Variants in USP54 observed in about 807,000 individuals in gnomAD.
USP54 encodes the protein ubiquitin specific peptidase 54.
In USP54, 87 loss-of-function variants were observed where a neutral mutation model predicts 170.5. The observed-to-expected ratio is 0.51, with a 90% CI of 0.43 to 0.61. The LOEUF (loss-of-function observed/expected upper bound fraction) is 0.61. USP54 is among the 20% of genes least tolerant of loss of function. The pLI is 0.00. For missense variants in USP54, 1,786 were observed against 2,047.8 expected, an observed-to-expected ratio of 0.87 and a Z score of 2.47; for synonymous variants, 655 against 742.8, an observed-to-expected ratio of 0.88 and a Z score of 1.92.
Position 73,575,665 on chromosome 10 carries a change from T to G in USP54, c.-7A>C. The stretch of plus-strand genomic sequence containing the variant: ...AATTTCTCTTCCAAGACATTATTGT[T>G]CACATTTAGCCTGAAAAAAAAATGG... On this transcript the variant is annotated 5_prime_UTR_variant, in exon 3 of 24. The change abolishes the stop of an existing upstream ORF in the 5' untranslated region. Transcript: ENST00000687698. The G allele has an allele frequency of 6.3e-7, 1 of 1,593,690 alleles. No individual in the cohort carries two copies. The highest frequency in any genetic ancestry group is 1.2e-5 in the South Asian group (1 of 86,350).
At chr10:73,606,949 A>C (rs567841451) in intron 1 of USP54, among the ~76,000 whole-genome samples, 1 of 152,172 alleles carries the variant, frequency 6.6e-6, no homozygotes, top group East Asian at 1.9e-4. Flanking sequence ...CTAACTGAAC[A>C]GTTTCATACA....
chr10:73,570,478 CTT>C (rs1412532736), intron 4 of USP54, among the ~76,000 whole-genome samples: 1 of 148,966 alleles, frequency 6.7e-6, no homozygotes, highest in African/African-American at 2.5e-5. Flanking sequence ...ATAAAAGAAT[CTT>C]TTAAGTGTGG....
chr10:73,622,435 T>C (rs1264170480), intron 1 of USP54, among the ~76,000 whole-genome samples: 2 of 152,034 alleles, frequency 1.3e-5, no homozygotes, highest in Non-Finnish European at 2.9e-5. Context: ...GCGATTCTCC[T>C]GCCTCAGCCT....
intron 12 of USP54, among the ~76,000 whole-genome samples, chr10:73,532,173 A>G (rs916624008): frequency 6.6e-6 from 1 of 151,798 alleles, no homozygotes; most frequent in African/African-American, 2.4e-5. Context: ...TGGAACAACT[A>G]AGTCTTTTTT....
At chr10:73,615,695 C>A (rs1397364148) in intron 1 of USP54, among the ~76,000 whole-genome samples, 3 of 148,480 alleles carry the variant, frequency 2.0e-5, no homozygotes, top group Non-Finnish European at 4.4e-5. Context: ...CTGAGGCAGG[C>A]AGATCGCTTG....
At chr10:73,543,228 G>A in intron 5 of USP54, 97 bp from the exon 6 acceptor site, 1 of 802,742 alleles carries the variant, frequency 1.2e-6, no homozygotes, top group Non-Finnish European at 2.1e-6. Context: ...CAACCCTTCT[G>A]GAAGGTAGGA....
At chr10:73,523,511 C>CAGA in intron 17 of USP54, 72 bp downstream of exon 17, 1 of 1,449,202 alleles carries the variant, frequency 6.9e-7, no homozygotes, top group Non-Finnish European at 9.2e-7. Flanking sequence ...AGGGAACTTA[C>CAGA]AAGCTTAGAT....
chr10:73,518,510 G>A (rs998636053), intron 19 of USP54, among the ~76,000 whole-genome samples: 3 of 152,000 alleles, frequency 2.0e-5, no homozygotes, highest in African/African-American at 7.2e-5. Context: ...ACGTTTTCTG[G>A]AAACGGTTTA....
At chr10:73,527,536 C>A (rs1363113649) in intron 15 of USP54, among the ~76,000 whole-genome samples, 7 of 150,776 alleles carry the variant, frequency 4.6e-5, no homozygotes, top group Admixed American at 1.3e-4. Flanking sequence ...GAAAAATTGC[C>A]TCTGTGGCAA....
chr10:73,571,579 G>T (rs2075210834), intron 3 of USP54, 66 bp from the exon 4 acceptor site: 2 of 1,331,344 alleles, frequency 1.5e-6, no homozygotes, highest in African/African-American at 1.5e-5. Flanking sequence ...AAAGTAAAGA[G>T]TTCAAACAAA....
intron 4 of USP54, among the ~76,000 whole-genome samples, chr10:73,551,601 G>A (rs2069378596): frequency 3.3e-5 from 5 of 152,196 alleles, no homozygotes; most frequent in South Asian, 2.1e-4. Context: ...GTGGCCTGAC[G>A]ACATGATGAT....
At chr10:73,502,269 G>A (rs1170044502) in intron 22 of USP54, among the ~76,000 whole-genome samples, 3 of 152,100 alleles carry the variant, frequency 2.0e-5, no homozygotes, top group Admixed American at 6.5e-5. Flanking sequence ...CTAAGGACCA[G>A]GTGCCAGTCC....
chr10:73,592,692 T>C (rs1056609852), upstream of USP54, among the ~76,000 whole-genome samples: 1 of 152,190 alleles, frequency 6.6e-6, no homozygotes, highest in Non-Finnish European at 1.5e-5. Context: ...TATATATTCA[T>C]TGTGAAACTA....
At chr10:73,589,935 CT>C (rs2078037110) in intron 1 of USP54, among the ~76,000 whole-genome samples, 1 of 152,220 alleles carries the variant, frequency 6.6e-6, no homozygotes, top group Non-Finnish European at 1.5e-5. Flanking sequence ...AGACTTCACA[CT>C]TTGAGCCAGT....
intron 16 of USP54, 33 bp downstream of exon 16, chr10:73,526,614 T>C (rs2062913846): frequency 6.2e-7 from 1 of 1,611,656 alleles, no homozygotes; most frequent in Non-Finnish European, 8.5e-7. Flanking sequence ...GCCGGTCAAA[T>C]CCAGTCCTCA....
chr10:73,520,719 T>C (rs917075821), intron 18 of USP54, among the ~76,000 whole-genome samples, 189 bp downstream of exon 18: 1 of 152,228 alleles, frequency 6.6e-6, no homozygotes, highest in Non-Finnish European at 1.5e-5. Context: ...TAAATATCCA[T>C]AGGCCACAGT....
chr10:73,517,060 A>G lies in USP54; in HGVS notation c.3366T>C (p.Phe1122=). Residue 1122 remains phenylalanine (F), a synonymous_variant, in exon 20 of 24, where the codon TTT becomes TTC. Transcript: ENST00000687698. ...RGSEETYRPE[F]PSTKGLVRSL... Reference sequence around the variant, plus strand: ...AACGGACAAGCCCCTTTGTGCTGGGAAACTCTGGCCTATAGGTCTCCTCAC... The same window carrying G: ...AACGGACAAGCCCCTTTGTGCTGGGGAACTCTGGCCTATAGGTCTCCTCAC... The G allele has an allele frequency of 6.2e-7, 1 of 1,614,214 alleles. No individual in the cohort carries two copies. Among genetic ancestry groups the G allele is most frequent in the Non-Finnish European group, 8.5e-7 (1 of 1,180,040 alleles).
In USP54 at chr10:73,546,178, C is replaced by T. The variant is rs374696100; in HGVS notation, c.241-506G>A. Among the ~76,000 whole-genome samples the T allele has an allele frequency of 8.5e-5, 13 of 152,142 alleles. No homozygotes were observed. The East Asian group carries it at 9.6e-4, about 11-fold the overall frequency. ...AGAAATAAACATTCTATCATGTTTACTTTCATCTACAGATAATGCTAAAGT... is the reference window on the plus strand; with the variant it reads ...AGAAATAAACATTCTATCATGTTTATTTTCATCTACAGATAATGCTAAAGT... On this transcript the variant is annotated intron_variant, in intron 4 of 23. Transcript: ENST00000687698.
chr10:73,604,200 G>C (rs1454165070), intron 1 of USP54, among the ~76,000 whole-genome samples: 1 of 151,924 alleles, frequency 6.6e-6, no homozygotes, highest in Non-Finnish European at 1.5e-5. Flanking sequence ...AGTGAGCCGA[G>C]ATCGCACCAC....
Sources: allele counts gnomAD v4.1 joint callset (sites outside exome capture counted in the v4.1 genomes callset), GRCh38; gene constraint gnomAD v4.1.1; transcripts MANE v1.5; gene names NCBI Gene and HGNC (gene_info 2026-07-23, HGNC 2026-07-21).